Variants in TENM3 observed in about 807,000 individuals in gnomAD.
TENM3 encodes the protein teneurin transmembrane protein 3, also known as teneurin-3.
TENM3 carries 63 observed loss-of-function variants against 255.1 expected under a neutral mutation model. That is an observed-to-expected ratio of 0.25 (90% CI 0.20 to 0.30). The LOEUF is 0.30. Among genes scored for constraint, TENM3 ranks in the 10% least tolerant of loss-of-function variants. The pLI is 1.00. For synonymous variants in TENM3, 1,306 were observed against 1,322.3 expected (o/e 0.99, Z 0.27); for missense variants, 2,929 against 3,461.1 (o/e 0.85, Z 3.86).
At chr4:181,748,268 T>C in the TENM3 span, among the ~76,000 whole-genome samples, 1 of 152,098 alleles carries the variant, frequency 6.6e-6, no homozygotes, top group Non-Finnish European at 1.5e-5. Context: ...CTTATCCAAG[T>C]GCATGGTAGG....
chr4:182,262,700 T>C (rs1379701081), intron 1 of TENM3, among the ~76,000 whole-genome samples: 1 of 151,328 alleles, frequency 6.6e-6, no homozygotes, highest in Non-Finnish European at 1.5e-5. Flanking sequence ...GGAGTAGCCA[T>C]TCTTTTATTC....
the TENM3 span, among the ~76,000 whole-genome samples, chr4:181,710,920 C>T: frequency 1.3e-5 from 2 of 150,634 alleles, no homozygotes; most frequent in African/African-American, 4.9e-5. Context: ...GAGGTAGTAG[C>T]TGAGGAGAAA....
the TENM3 span, among the ~76,000 whole-genome samples, chr4:181,878,579 TC>T: frequency 1.3e-5 from 2 of 152,170 alleles, no homozygotes; most frequent in Non-Finnish European, 2.9e-5. Context: ...CCTTAAATAC[TC>T]CCAAAGAAAC....
At chr4:182,117,002 G>T in the TENM3 span, among the ~76,000 whole-genome samples, 6 of 152,084 alleles carry the variant, frequency 3.9e-5, no homozygotes, top group African/African-American at 1.4e-4. Context: ...TTGTGTAGTG[G>T]TATCTCATTG....
intron 3 of TENM3, among the ~76,000 whole-genome samples, chr4:182,506,081 A>T (rs1334598914): frequency 6.6e-6 from 1 of 152,226 alleles, no homozygotes; most frequent in Non-Finnish European, 1.5e-5. Context: ...AAGGAGGCAC[A>T]AATTATTAAG....
intron 3 of TENM3, among the ~76,000 whole-genome samples, chr4:182,402,597 ACTTCT>A (rs1769282141): frequency 6.6e-6 from 1 of 152,336 alleles, no homozygotes; most frequent in African/African-American, 2.4e-5. Context: ...AATTTAATAT[ACTTCT>A]CTTCTTTTTT....
chr4:182,662,283 C>A (rs1754290066), intron 6 of TENM3, among the ~76,000 whole-genome samples: 1 of 152,080 alleles, frequency 6.6e-6, no homozygotes, highest in Admixed American at 6.5e-5. Context: ...CACATACTTA[C>A]TGATGAAAGA....
intron 3 of TENM3, among the ~76,000 whole-genome samples, chr4:182,364,357 G>C (rs1397520060): frequency 6.6e-6 from 1 of 152,060 alleles, no homozygotes; most frequent in African/African-American, 2.4e-5. Context: ...CTTAATCTTT[G>C]TGTGTGTATA....
chr4:181,708,128 A>T, the TENM3 span, among the ~76,000 whole-genome samples: 1 of 152,250 alleles, frequency 6.6e-6, no homozygotes, highest in South Asian at 2.1e-4. Flanking sequence ...AATCTTAAAA[A>T]GTTTTATATA....
At chr4:181,488,719 C>T in the TENM3 span, among the ~76,000 whole-genome samples, 1 of 152,038 alleles carries the variant, frequency 6.6e-6, no homozygotes, top group East Asian at 1.9e-4. Flanking sequence ...GTTTTTTATA[C>T]ATAGTCTTAT....
At chr4:181,540,791 G>A in the TENM3 span, among the ~76,000 whole-genome samples, 1 of 151,992 alleles carries the variant, frequency 6.6e-6, no homozygotes, top group South Asian at 2.1e-4. Flanking sequence ...GGGACGTGAT[G>A]CCTAAATGCA....
At chr4:182,585,842 C>G (rs1745967689) in intron 3 of TENM3, among the ~76,000 whole-genome samples, 1 of 152,198 alleles carries the variant, frequency 6.6e-6, no homozygotes, top group South Asian at 2.1e-4. Context: ...GAAAGACTAT[C>G]TTAGTTACTG....
the TENM3 span, among the ~76,000 whole-genome samples, chr4:181,926,750 CT>C: frequency 6.6e-6 from 1 of 152,032 alleles, no homozygotes; most frequent in African/African-American, 2.4e-5. Context: ...CAGCTCCGGT[CT>C]GCAGCTCCCA....
At chr4:181,941,207 T>G in the TENM3 span, among the ~76,000 whole-genome samples, 58 of 152,208 alleles carry the variant, frequency 3.8e-4, no homozygotes, top group Non-Finnish European at 8.2e-4. Context: ...ACTTCTATAA[T>G]CTGAAAACTC....
At chr4:182,766,129 G>A (rs570959743) in intron 22 of TENM3, among the ~76,000 whole-genome samples, 23 of 152,212 alleles carry the variant, frequency 1.5e-4, no homozygotes, top group African/African-American at 3.9e-4. Flanking sequence ...GTCTGTGTAC[G>A]GCTGAACAGG....
chr4:181,794,549 T>G, the TENM3 span, among the ~76,000 whole-genome samples: 1 of 152,150 alleles, frequency 6.6e-6, no homozygotes, highest in African/African-American at 2.4e-5. Context: ...TATTTGTTTT[T>G]CTTTGCCTGG....
At chr4:182,798,378 T>C (rs1232549012) in intron 27 of TENM3, among the ~76,000 whole-genome samples, 1 of 152,200 alleles carries the variant, frequency 6.6e-6, no homozygotes. Context: ...TACAGTTGCC[T>C]GCAATATTCA....
At chr4:182,075,683 T>A in the TENM3 span, among the ~76,000 whole-genome samples, 1 of 152,152 alleles carries the variant, frequency 6.6e-6, no homozygotes, top group Non-Finnish European at 1.5e-5. Context: ...TTTTCTTCTG[T>A]CATTGCTCTG....
chr4:182,359,747 C>T (rs188399765), intron 3 of TENM3, among the ~76,000 whole-genome samples: 3,382 of 151,852 alleles, frequency 0.022, 57 homozygotes, highest in Non-Finnish European at 0.034. Flanking sequence ...TTAGTTATTT[C>T]TTGCCTTCTG....
Sources: gnomAD v4.1 joint callset for allele counts (sites outside exome capture counted in the v4.1 genomes callset) on GRCh38, gnomAD v4.1.1 for gene constraint, MANE v1.5 for transcripts, NCBI Gene and HGNC (gene_info 2026-07-23, HGNC 2026-07-21) for gene names.